The following PSD3 variants were observed in gnomAD, a reference collection of about 807,000 sequenced individuals.
The protein encoded by PSD3 is pleckstrin and Sec7 domain containing 3.
Under a neutral mutation model 105.5 loss-of-function variants are expected in PSD3, and 49 were observed. The observed-to-expected ratio is 0.46, with a 90% CI of 0.37 to 0.59. The LOEUF is 0.59. PSD3 is among the 20% of genes least tolerant of loss of function. PSD3 has a pLI of 0.00. For missense variants in PSD3, 1,561 were observed against 1,263.8 expected, an observed-to-expected ratio of 1.24 and a Z score of -3.57; for synonymous variants, 557 against 457.8, an observed-to-expected ratio of 1.22 and a Z score of -2.77.
chr8:19,028,256 A>G (rs1827631455), intron 1 of PSD3, among the ~76,000 whole-genome samples: 1 of 145,818 alleles, frequency 6.9e-6, no homozygotes, highest in African/African-American at 2.5e-5. Context: ...GCCTGTTTCA[A>G]TCTTTTGCCA....
chr8:19,073,020 G>C (rs1243178417), intron 1 of PSD3, among the ~76,000 whole-genome samples: 1 of 152,150 alleles, frequency 6.6e-6, no homozygotes, highest in East Asian at 1.9e-4. Flanking sequence ...TTTGGGGCTA[G>C]ATTTTATTAA....
At chr8:18,976,771 T>C (rs1442648149) in intron 1 of PSD3, among the ~76,000 whole-genome samples, 1 of 152,198 alleles carries the variant, frequency 6.6e-6, no homozygotes, top group Non-Finnish European at 1.5e-5. Context: ...GCTGATTTTA[T>C]CACTCAATAA....
At chr8:18,799,967 T>C (rs1810539061) in intron 7 of PSD3, among the ~76,000 whole-genome samples, 3 of 152,186 alleles carry the variant, frequency 2.0e-5, no homozygotes, top group Admixed American at 2.0e-4. Context: ...AGCCAGGGTA[T>C]TTTCAAAAGT....
At chr8:19,021,672 T>C (rs943423512) in intron 1 of PSD3, among the ~76,000 whole-genome samples, 8 of 152,148 alleles carry the variant, frequency 5.3e-5, no homozygotes, top group African/African-American at 1.9e-4. Context: ...TGACCAAAAC[T>C]ATCTGCTGTG....
intron 9 of PSD3, among the ~76,000 whole-genome samples, chr8:18,717,442 A>T (rs1802672098): frequency 6.6e-6 from 1 of 152,170 alleles, no homozygotes; most frequent in African/African-American, 2.4e-5. Flanking sequence ...ACCCATTATA[A>T]ATGTGGTCTG....
intron 4 of PSD3, among the ~76,000 whole-genome samples, chr8:18,836,031 G>C (rs1814081582): frequency 6.6e-6 from 1 of 152,202 alleles, no homozygotes; most frequent in Non-Finnish European, 1.5e-5. Context: ...ACTTGAATGA[G>C]AGTAGCATTC....
intron 1 of PSD3, among the ~76,000 whole-genome samples, chr8:18,973,644 A>G (rs1824773697): frequency 6.6e-6 from 1 of 152,208 alleles, no homozygotes; most frequent in Non-Finnish European, 1.5e-5. Context: ...TTTTAGGGAG[A>G]TACAAGTCAG....
At chr8:18,711,539 C>T (rs1184404776) in intron 9 of PSD3, among the ~76,000 whole-genome samples, 1 of 152,088 alleles carries the variant, frequency 6.6e-6, no homozygotes, top group Non-Finnish European at 1.5e-5. Context: ...AGAAGTGCCT[C>T]ACATAACGGT....
chr8:18,871,928 G>A lies in PSD3; in HGVS notation c.936C>T (p.Asp312=), dbSNP rs2129457474. Residue 312 remains aspartate, a synonymous_variant, in exon 3 of 16, where the codon GAC becomes GAT. Transcript: ENST00000327040. ...CTATAGGATGCTGGGTCTCTCTCTT[G>A]TCTCCTCCTGTCCACAGTATTTCCA... The part of the protein sequence containing the change: ...QGVEILWTGG[D]KRETQHPIDF... 1 of 1,614,150 alleles carries A rather than the reference G, an allele frequency of 6.2e-7. No individual in the cohort carries two copies. The highest frequency in any genetic ancestry group is 8.5e-7 in the Non-Finnish European group (1 of 1,180,016).
chr8:18,578,418 T>A (rs1161182780), intron 12 of PSD3, among the ~76,000 whole-genome samples: 1 of 152,126 alleles, frequency 6.6e-6, no homozygotes, highest in Non-Finnish European at 1.5e-5. Context: ...ATTTGTGAAA[T>A]TCTTCCTCAG....
intron 1 of PSD3, among the ~76,000 whole-genome samples, chr8:19,063,584 G>C (rs762819014): frequency 2.6e-5 from 4 of 152,142 alleles, no homozygotes; most frequent in Non-Finnish European, 4.4e-5. Flanking sequence ...AATGAATGTA[G>C]CTATCAAGAA....
chr8:18,662,516 G>T lies in PSD3; in HGVS notation c.2173-6831C>A, dbSNP rs189408920. Among the ~76,000 whole-genome samples, 142 of 152,294 alleles carry T rather than the reference G, an allele frequency of 9.3e-4. 1 individual carries two copies. The highest frequency in any genetic ancestry group is 3.4e-3 in the African/African-American group (140 of 41,574). ...TGAGAGAAAGATTTGATAAAACAGA[G>T]AACAGATCCAATCTTATGAGCAAAG... is the stretch of plus-strand genomic sequence containing the variant. On this transcript the variant is annotated intron_variant, in intron 9 of 15. Transcript: ENST00000327040.
intron 1 of PSD3, among the ~76,000 whole-genome samples, chr8:19,061,546 G>A (rs968109882): frequency 6.6e-6 from 1 of 151,894 alleles, no homozygotes; most frequent in Non-Finnish European, 1.5e-5. Context: ...GGAGGCTCAC[G>A]CCTGTAATCC....
chr8:18,636,812 A>G (rs1181572851), intron 10 of PSD3, among the ~76,000 whole-genome samples: 2 of 152,250 alleles, frequency 1.3e-5, no homozygotes, highest in African/African-American at 2.4e-5. Flanking sequence ...GCAATAGGCT[A>G]TACCATATAG....
At chr8:18,616,074 G>A (rs1805638452) in intron 11 of PSD3, among the ~76,000 whole-genome samples, 1 of 152,210 alleles carries the variant, frequency 6.6e-6, no homozygotes, top group South Asian at 2.1e-4. Context: ...GTGACTTCAA[G>A]CTTTGCCTAC....
At chr8:18,587,710 C>A (rs1283154910) in intron 12 of PSD3, among the ~76,000 whole-genome samples, 1 of 152,122 alleles carries the variant, frequency 6.6e-6, no homozygotes, top group East Asian at 1.9e-4. Context: ...ATTAATTCAT[C>A]TCATTGCTTA....
At position 18,533,432 on chromosome 8, in the gene PSD3, C is replaced by T. The variant is rs1048820315; in HGVS notation, c.*2311G>A. ...ATGATCTATTAGCCTATCCAGAAGT[C>T]CCTGGAGTTAATATTAGTGACTCAT... On this transcript the variant is annotated 3_prime_UTR_variant, in exon 16 of 16. Coordinates refer to ENST00000327040, the MANE Select transcript of PSD3 (RefSeq NM_015310.4). The T allele has an allele frequency of 6.6e-6, 1 of 152,158 alleles. No homozygotes were observed. Among genetic ancestry groups the T allele is most frequent in the Non-Finnish European group, 1.5e-5 (1 of 68,040 alleles). 9.4% of individuals were successfully genotyped at this position (152,158 alleles called of 1,614,324 possible).
intron 4 of PSD3, among the ~76,000 whole-genome samples, chr8:18,842,711 C>T (rs929819626): frequency 3.3e-5 from 5 of 150,052 alleles, no homozygotes; most frequent in East Asian, 2.0e-4. Flanking sequence ...CCAGCCTGGG[C>T]GACAAAGCGA....
At chr8:18,918,080 T>C (rs1820739695) in intron 2 of PSD3, among the ~76,000 whole-genome samples, 1 of 152,198 alleles carries the variant, frequency 6.6e-6, no homozygotes, top group African/African-American at 2.4e-5. Context: ...CCATTATTTT[T>C]TTAAAAAATT....
Sources: allele counts gnomAD v4.1 joint callset (sites outside exome capture counted in the v4.1 genomes callset), GRCh38; gene constraint gnomAD v4.1.1; transcripts MANE v1.5; gene names NCBI Gene and HGNC (gene_info 2026-07-23, HGNC 2026-07-21).